Variants in DCDC2 observed in about 807,000 individuals in gnomAD.
The protein encoded by DCDC2 is doublecortin domain-containing protein 2.
In DCDC2, 40 loss-of-function variants were observed where a neutral mutation model predicts 50.2. The ratio of observed to expected loss-of-function variants is 0.80; its 90% CI spans 0.62 to 1.04. DCDC2 has a LOEUF of 1.04. Among genes scored for constraint, DCDC2 ranks in the 50% least tolerant of loss-of-function variants. The pLI is 0.00. For missense variants in DCDC2, 570 were observed against 581.9 expected, an observed-to-expected ratio of 0.98 and a Z score of 0.21; for synonymous variants, 234 against 210.6, an observed-to-expected ratio of 1.11 and a Z score of -0.96.
intron 7 of DCDC2, among the ~76,000 whole-genome samples, chr6:24,274,788 T>C (rs1432940956): frequency 6.6e-6 from 1 of 151,988 alleles, no homozygotes; most frequent in African/African-American, 2.4e-5. Flanking sequence ...ATTTTAATTA[T>C]TAAAAAATCA....
At chr6:24,247,264 A>G (rs1427368100) in intron 7 of DCDC2, among the ~76,000 whole-genome samples, 1 of 152,086 alleles carries the variant, frequency 6.6e-6, no homozygotes, top group Non-Finnish European at 1.5e-5. Flanking sequence ...TGATCATGCT[A>G]CTGCACTTCA....
intron 2 of DCDC2, among the ~76,000 whole-genome samples, chr6:24,330,307 T>C (rs1365669636): frequency 6.6e-6 from 1 of 152,146 alleles, no homozygotes; most frequent in African/African-American, 2.4e-5. Context: ...CCGGGCTGAA[T>C]GTAACTTCTA....
chr6:24,373,165 A>T, the DCDC2 span, among the ~76,000 whole-genome samples: 1 of 152,240 alleles, frequency 6.6e-6, no homozygotes, highest in Non-Finnish European at 1.5e-5. Flanking sequence ...GGACAACCAC[A>T]TTGGAAATTA....
chr6:24,176,510 A>T (rs1424015606), intron 9 of DCDC2, among the ~76,000 whole-genome samples: 1 of 152,212 alleles, frequency 6.6e-6, no homozygotes, highest in East Asian at 1.9e-4. Flanking sequence ...TTGGCAAATA[A>T]AAATTGTATG....
chr6:24,366,128 A>G, the DCDC2 span, among the ~76,000 whole-genome samples: 1 of 152,184 alleles, frequency 6.6e-6, no homozygotes, highest in Non-Finnish European at 1.5e-5. Flanking sequence ...AGAAGTAATC[A>G]TTTACTACTT....
At chr6:24,301,639 C>A in intron 4 of DCDC2, 76 bp downstream of exon 4, 1 of 1,552,572 alleles carries the variant, frequency 6.4e-7, no homozygotes, top group Middle Eastern at 1.7e-4. Flanking sequence ...ATCCACAGAC[C>A]AGTGACTCCG....
chr6:24,189,712 T>G (rs1581576311), intron 8 of DCDC2, among the ~76,000 whole-genome samples: 1 of 152,136 alleles, frequency 6.6e-6, no homozygotes, highest in African/African-American at 2.4e-5. Flanking sequence ...TGCCACCCAT[T>G]AGTTCTCTCT....
At position 24,236,593 on chromosome 6, in the gene DCDC2, C is replaced by A. The variant is rs978989177; in HGVS notation, c.923-31491G>T. ...TTCTGCACACCAAAGAAACTATCAA[C>A]AGAGTAAACAGACAAGCTACAGAAT... On this transcript the variant is annotated intron_variant, in intron 7 of 9. Coordinates refer to ENST00000378454, the MANE Select transcript of DCDC2 (RefSeq NM_016356.5). 4.6e-5 allele frequency among the ~76,000 whole-genome samples: 7 copies of A among 152,212 alleles called. No homozygotes were observed. The East Asian group carries it at 1.3e-3, about 29-fold the overall frequency.
At chr6:24,297,338 A>T (rs1056244875) in intron 4 of DCDC2, among the ~76,000 whole-genome samples, 2 of 152,148 alleles carry the variant, frequency 1.3e-5, no homozygotes, top group South Asian at 4.1e-4. Flanking sequence ...AGAGAGAGGA[A>T]CAGTAAAAGT....
intron 4 of DCDC2, among the ~76,000 whole-genome samples, chr6:24,296,822 G>A (rs1270081584): frequency 6.6e-6 from 1 of 152,142 alleles, no homozygotes; most frequent in African/African-American, 2.4e-5. Flanking sequence ...AATAGATGCT[G>A]GAAAAGCTGC....
At chr6:24,295,719 T>C (rs367724411) in intron 4 of DCDC2, among the ~76,000 whole-genome samples, 21 of 152,138 alleles carry the variant, frequency 1.4e-4, no homozygotes, top group South Asian at 1.2e-3. Flanking sequence ...ATTTTCATAA[T>C]TGGCACAAAA....
chr6:24,232,605 C>T (rs942229611), intron 7 of DCDC2, among the ~76,000 whole-genome samples: 1 of 152,146 alleles, frequency 6.6e-6, no homozygotes, highest in African/African-American at 2.4e-5. Context: ...ATGACTAGAC[C>T]CATATTTTTC....
At chr6:24,382,176 A>T in the DCDC2 span, among the ~76,000 whole-genome samples, 24 of 152,142 alleles carry the variant, frequency 1.6e-4, no homozygotes, top group Middle Eastern at 6.8e-3. Flanking sequence ...TATTTTTGTC[A>T]CTCTCAATGG....
intron 8 of DCDC2, among the ~76,000 whole-genome samples, chr6:24,187,325 G>C (rs6456597): frequency 6.6e-6 from 1 of 152,106 alleles, no homozygotes; most frequent in Non-Finnish European, 1.5e-5. Context: ...GGCCACGGGC[G>C]GTGCCATCCT....
upstream of DCDC2, among the ~76,000 whole-genome samples, chr6:24,359,973 G>A (rs1760636977): frequency 6.6e-6 from 1 of 152,204 alleles, no homozygotes; most frequent in African/African-American, 2.4e-5. Context: ...CGACACTCGC[G>A]TGCTGGAGAG....
intron 9 of DCDC2, among the ~76,000 whole-genome samples, chr6:24,175,469 T>C (rs1422927556): frequency 6.6e-6 from 1 of 152,074 alleles, no homozygotes; most frequent in East Asian, 1.9e-4. Context: ...CTCTATGAAA[T>C]CCTAGAGGCT....
At chr6:24,357,413 C>G in intron 1 of DCDC2, 45 bp downstream of exon 1, 1 of 1,555,412 alleles carries the variant, frequency 6.4e-7, no homozygotes, top group Admixed American at 1.8e-5. Context: ...CAACCCCACA[C>G]TATAGGGCAC....
chr6:24,295,959 G>C (rs1250470077), intron 4 of DCDC2, among the ~76,000 whole-genome samples: 2 of 152,044 alleles, frequency 1.3e-5, no homozygotes, highest in Non-Finnish European at 2.9e-5. Context: ...ATTCTTCACA[G>C]AACTAGAAAA....
chr6:24,299,041 G>A (rs180875825), intron 4 of DCDC2, among the ~76,000 whole-genome samples: 10 of 152,306 alleles, frequency 6.6e-5, no homozygotes, highest in African/African-American at 2.2e-4. Flanking sequence ...GCACTGGTAC[G>A]TTCACTGCCG....
Sources: gnomAD v4.1 joint callset for allele counts (sites outside exome capture counted in the v4.1 genomes callset) on GRCh38, gnomAD v4.1.1 for gene constraint, MANE v1.5 for transcripts, NCBI Gene and HGNC (gene_info 2026-07-23, HGNC 2026-07-21) for gene names.